The following PRIM2 variants were observed in gnomAD, a reference collection of about 807,000 sequenced individuals.
The protein encoded by PRIM2 is DNA primase large subunit.
A neutral mutation model predicts 67.3 loss-of-function variants in PRIM2; 39 were observed. The ratio of observed to expected loss-of-function variants is 0.58; its 90% CI spans 0.45 to 0.76. PRIM2 has a LOEUF of 0.76. PRIM2 is among the 30% of genes least tolerant of loss of function. The probability of loss-of-function intolerance (pLI) is 0.00; values close to 1 mark genes in which losing one functional copy is unlikely to be tolerated. For synonymous variants in PRIM2, 143 were observed against 198.7 expected, an observed-to-expected ratio of 0.72 and a Z score of 2.36; for missense variants, 398 against 598.7, an observed-to-expected ratio of 0.66 and a Z score of 3.50.
At chr6:57,398,759 A>G (rs577313507) in intron 7 of PRIM2, among the ~76,000 whole-genome samples, 1 of 152,238 alleles carries the variant, frequency 6.6e-6, no homozygotes, top group East Asian at 1.9e-4. Flanking sequence ...GAAGTTTCAC[A>G]GTATTATTTT....
intron 7 of PRIM2, among the ~76,000 whole-genome samples, chr6:57,466,021 TC>T (rs1773177098): frequency 6.6e-6 from 1 of 151,788 alleles, no homozygotes; most frequent in Admixed American, 6.6e-5. Flanking sequence ...CCTCCCTGTG[TC>T]CATGTGTTCT....
intron 11 of PRIM2, 123 bp from the exon 12 acceptor site, chr6:57,606,252 C>T: frequency 1.4e-6 from 1 of 713,654 alleles, no homozygotes; most frequent in East Asian, 2.7e-5. Context: ...TGGGCAATTA[C>T]CTTTTTTTAT....
intron 12 of PRIM2, among the ~76,000 whole-genome samples, chr6:57,616,938 T>G (rs1776766790): frequency 1.3e-5 from 2 of 152,240 alleles, no homozygotes; most frequent in African/African-American, 4.8e-5. Flanking sequence ...TCATTTGTGT[T>G]TTGTTCTTTT....
chr6:57,460,101 C>T (rs1772950504), intron 7 of PRIM2, among the ~76,000 whole-genome samples: 2 of 151,514 alleles, frequency 1.3e-5, no homozygotes, highest in Non-Finnish European at 2.9e-5. Flanking sequence ...GGGGCAGGAG[C>T]ATATAAGCCA....
intron 9 of PRIM2, among the ~76,000 whole-genome samples, chr6:57,536,719 G>A (rs1410268291): frequency 6.6e-6 from 1 of 152,152 alleles, no homozygotes; most frequent in Non-Finnish European, 1.5e-5. Flanking sequence ...AGTAAAAAAT[G>A]ACAATCTCAA....
chr6:57,329,321 G>A (rs1006486443), intron 5 of PRIM2, among the ~76,000 whole-genome samples: 1 of 151,868 alleles, frequency 6.6e-6, no homozygotes, highest in East Asian at 1.9e-4. Context: ...TTCTATACAC[G>A]GTGTGAAGTA....
intron 8 of PRIM2, among the ~76,000 whole-genome samples, chr6:57,526,051 T>A (rs1230826990): frequency 6.6e-6 from 1 of 152,194 alleles, no homozygotes; most frequent in Non-Finnish European, 1.5e-5. Flanking sequence ...GACAATCTAG[T>A]GATATTAGAA....
At chr6:57,319,189 G>A (rs188092754) in intron 2 of PRIM2, among the ~76,000 whole-genome samples, 2 of 152,324 alleles carry the variant, frequency 1.3e-5, no homozygotes, top group Non-Finnish European at 1.5e-5. Flanking sequence ...AGGGTGGATG[G>A]AGAAGTATGG....
At chr6:57,606,288 G>A (rs1218144360) in intron 11 of PRIM2, 87 bp from the exon 12 acceptor site, 8 of 976,292 alleles carry the variant, frequency 8.2e-6, no homozygotes, top group Non-Finnish European at 1.3e-5. Flanking sequence ...CAATTAAGGG[G>A]AGCTTAGATG....
intron 10 of PRIM2, among the ~76,000 whole-genome samples, chr6:57,569,754 C>CA (rs1554353103): frequency 3.4e-5 from 5 of 146,162 alleles, no homozygotes; most frequent in Non-Finnish European, 7.6e-5. Flanking sequence ...CTTTTCTTTT[C>CA]TTTTTTTTTT....
chr6:57,368,988 G>A (rs1324142135), intron 5 of PRIM2, among the ~76,000 whole-genome samples: 2 of 152,158 alleles, frequency 1.3e-5, no homozygotes, highest in African/African-American at 4.8e-5. Context: ...GGAGAGAACT[G>A]GGTAAAATAC....
chr6:57,545,125 T>C (rs1775258868), intron 10 of PRIM2, among the ~76,000 whole-genome samples: 1 of 152,150 alleles, frequency 6.6e-6, no homozygotes, highest in African/African-American at 2.4e-5. Flanking sequence ...GTTAGAAATA[T>C]AGATTCCCAG....
chr6:57,321,975 G>T (rs1436590050), intron 3 of PRIM2, among the ~76,000 whole-genome samples: 2 of 152,158 alleles, frequency 1.3e-5, no homozygotes, highest in Non-Finnish European at 2.9e-5. Context: ...AAGATGAATT[G>T]TACAGTGTCC....
chr6:57,526,731 TGTGA>T (rs1251655826), intron 8 of PRIM2, among the ~76,000 whole-genome samples: 50 of 152,292 alleles, frequency 3.3e-4, no homozygotes, highest in African/African-American at 1.1e-3. Flanking sequence ...AAAATAAAGC[TGTGA>T]GTATTTTAAA....
chr6:57,370,591 G>A (rs1769514248), intron 5 of PRIM2, among the ~76,000 whole-genome samples: 1 of 151,482 alleles, frequency 6.6e-6, no homozygotes, highest in Non-Finnish European at 1.5e-5. Context: ...GAAACAGGAA[G>A]TGACATGAAA....
chr6:57,304,569 G>T, the PRIM2 span, among the ~76,000 whole-genome samples: 7 of 152,180 alleles, frequency 4.6e-5, no homozygotes, highest in Admixed American at 4.6e-4. Flanking sequence ...GACTGACCTT[G>T]GTTCTAAGAG....
chr6:57,337,452 A>G (rs970297729), intron 5 of PRIM2, among the ~76,000 whole-genome samples: 4 of 151,530 alleles, frequency 2.6e-5, no homozygotes, highest in African/African-American at 9.7e-5. Context: ...TTGACCACAT[A>G]CTTGGAAGTA....
intron 5 of PRIM2, among the ~76,000 whole-genome samples, chr6:57,359,771 A>C (rs1769138747): frequency 6.6e-6 from 1 of 152,250 alleles, no homozygotes; most frequent in African/African-American, 2.4e-5. Flanking sequence ...TCCAATAATT[A>C]GTTGAGTGGA....
At chr6:57,469,863 C>G (rs1470603964) in intron 7 of PRIM2, among the ~76,000 whole-genome samples, 9 of 152,170 alleles carry the variant, frequency 5.9e-5, no homozygotes, top group Non-Finnish European at 8.8e-5. Context: ...TCTAAAAGAT[C>G]TCCACCACAC....
Sources: allele counts gnomAD v4.1 joint callset (sites outside exome capture counted in the v4.1 genomes callset), GRCh38; gene constraint gnomAD v4.1.1; transcripts MANE v1.5; gene names NCBI Gene and HGNC (gene_info 2026-07-23, HGNC 2026-07-21).